IQCK: variants seen among roughly 807,000 people sequenced by gnomAD.
IQCK encodes IQ motif containing K.
A neutral mutation model predicts 28.1 loss-of-function variants in IQCK; 29 were observed. The observed-to-expected ratio is 1.03, with a 90% CI of 0.77 to 1.41. IQCK has a LOEUF of 1.41. Among genes scored for constraint, IQCK ranks in the 40% most tolerant of loss-of-function variants. The probability of loss-of-function intolerance (pLI) is 0.00; values close to 1 mark genes in which losing one functional copy is unlikely to be tolerated. For missense variants in IQCK, 359 were observed against 314.7 expected, an observed-to-expected ratio of 1.14 and a Z score of -1.07; for synonymous variants, 113 against 115.1, an observed-to-expected ratio of 0.98 and a Z score of 0.12.
At chr16:19,741,863 T>C (rs2054840001) in intron 4 of IQCK, among the ~76,000 whole-genome samples, 1 of 152,098 alleles carries the variant, frequency 6.6e-6, no homozygotes, top group African/African-American at 2.4e-5. Context: ...TGCAGGCACC[T>C]GTAATTTCAG....
Position 19,735,338 on chromosome 16 carries a change from G to GT in IQCK, c.377-12dup, listed in dbSNP as rs773792742. ...CTGGGGATTTGCAGGGGGAATTTTTGTTTGTTTGTTTTAGGTTCTCCCAAA... is the reference window on the plus strand; with the variant it reads ...CTGGGGATTTGCAGGGGGAATTTTTGTTTTGTTTGTTTTAGGTTCTCCCAAA... On this transcript the variant is annotated splice_polypyrimidine_tract_variant and intron_variant, in intron 3 of 7. Coordinates refer to ENST00000564186, the Ensembl canonical transcript of IQCK. The GT allele has an allele frequency of 3.8e-5, 60 of 1,594,822 alleles. No individual in the cohort carries two copies. Among genetic ancestry groups the GT allele is most frequent in the Non-Finnish European group, 4.6e-5 (54 of 1,162,996 alleles).
intron 1 of IQCK, among the ~76,000 whole-genome samples, chr16:19,728,451 T>A (rs902275815): frequency 6.6e-6 from 1 of 152,136 alleles, no homozygotes; most frequent in African/African-American, 2.4e-5. Flanking sequence ...GGTTTCACCA[T>A]GTTAACCACT....
At chr16:19,834,040 A>T (rs1343160339) in intron 9 of IQCK, among the ~76,000 whole-genome samples, 1 of 152,202 alleles carries the variant, frequency 6.6e-6, no homozygotes, top group Non-Finnish European at 1.5e-5. Context: ...CTGAGCGGTG[A>T]CTGCACCACT....
chr16:19,736,020 C>A, intron 4 of IQCK: 1 of 434,588 alleles, frequency 2.3e-6, no homozygotes, highest in South Asian at 1.7e-5. Flanking sequence ...GATCCATGAT[C>A]ACGTCACTGC....
intron 4 of IQCK, among the ~76,000 whole-genome samples, chr16:19,749,780 AAAAG>A (rs1486677746): frequency 6.6e-6 from 1 of 152,042 alleles, no homozygotes; most frequent in East Asian, 1.9e-4. Context: ...GGAAAAAAAA[AAAAG>A]AAAAAGAAAA....
chr16:19,733,795 A>T, exon 3 of IQCK: 1 of 1,614,164 alleles, frequency 6.2e-7, no homozygotes, highest in Non-Finnish European at 8.5e-7. Context: ...CCCTGTCCTC[A>T]AGATAAATCG....
At chr16:19,764,941 C>G (rs1242650364) in intron 6 of IQCK, among the ~76,000 whole-genome samples, 1 of 140,970 alleles carries the variant, frequency 7.1e-6, no homozygotes, top group African/African-American at 2.6e-5. Flanking sequence ...CCTCGTGATC[C>G]GCCCACCTCA....
chr16:19,756,160 G>A (rs1231188274), intron 4 of IQCK, among the ~76,000 whole-genome samples: 1 of 152,110 alleles, frequency 6.6e-6, no homozygotes, highest in Admixed American at 6.6e-5. Flanking sequence ...CTCCAGCCTG[G>A]GTGATAGTGT....
chr16:19,733,917 A>G, intron 3 of IQCK, 90 bp downstream of exon 3: 1 of 1,248,960 alleles, frequency 8.0e-7, no homozygotes, highest in Non-Finnish European at 1.1e-6. Context: ...GATGGACCTC[A>G]GGGAGACCAC....
intron 4 of IQCK, among the ~76,000 whole-genome samples, chr16:19,758,296 G>A (rs1374555653): frequency 3.3e-5 from 5 of 152,114 alleles, no homozygotes; most frequent in African/African-American, 9.7e-5. Flanking sequence ...TATCCCCACT[G>A]TTCCACATGT....
chr16:19,778,456 A>G (rs1438355046), intron 6 of IQCK, among the ~76,000 whole-genome samples: 1 of 152,010 alleles, frequency 6.6e-6, no homozygotes, highest in East Asian at 1.9e-4. Context: ...AGGAGTTTGC[A>G]ACCAGCTTGG....
chr16:19,744,211 C>A (rs1196522600), intron 4 of IQCK, among the ~76,000 whole-genome samples: 2 of 152,168 alleles, frequency 1.3e-5, no homozygotes, highest in South Asian at 2.1e-4. Flanking sequence ...AATATAGTTT[C>A]TAAACAAACA....
chr16:19,767,976 C>G (rs1269503185), intron 6 of IQCK, among the ~76,000 whole-genome samples: 1 of 149,754 alleles, frequency 6.7e-6, no homozygotes, highest in Non-Finnish European at 1.5e-5. Flanking sequence ...ATGACTAAAT[C>G]ATAATCTTCA....
chr16:19,771,462 T>C (rs2055320399), intron 6 of IQCK, among the ~76,000 whole-genome samples: 1 of 152,198 alleles, frequency 6.6e-6, no homozygotes, highest in African/African-American at 2.4e-5. Context: ...TAATGGAGAA[T>C]GTGGAGAAAT....
At chr16:19,801,273 C>A (rs1459927494) in intron 7 of IQCK, among the ~76,000 whole-genome samples, 1 of 112,780 alleles carries the variant, frequency 8.9e-6, no homozygotes, top group Non-Finnish European at 1.6e-5. Flanking sequence ...TATTACAAGT[C>A]TTCACAGTCT....
chr16:19,785,959 C>T (rs1444225249), intron 6 of IQCK, among the ~76,000 whole-genome samples: 2 of 152,182 alleles, frequency 1.3e-5, no homozygotes, highest in Non-Finnish European at 2.9e-5. Context: ...ACCTGGACAA[C>T]TTGCAGTCAC....
intron 7 of IQCK, among the ~76,000 whole-genome samples, chr16:19,810,530 T>A (rs1597579366): frequency 1.4e-5 from 2 of 141,012 alleles, no homozygotes; most frequent in South Asian, 4.6e-4. Flanking sequence ...ATAGAGATGG[T>A]AGCCAGGTAT....
At chr16:19,733,055 T>G (rs1977891310) in intron 2 of IQCK, among the ~76,000 whole-genome samples, 1 of 152,224 alleles carries the variant, frequency 6.6e-6, no homozygotes, top group African/African-American at 2.4e-5. Flanking sequence ...TGAGTCCCTT[T>G]GGGATCTGAT....
chr16:19,804,437 T>TG (rs1228315701), intron 7 of IQCK, among the ~76,000 whole-genome samples: 1 of 151,944 alleles, frequency 6.6e-6, no homozygotes, highest in African/African-American at 2.4e-5. Context: ...GGTGGTTTTT[T>TG]TTGTTGTTGT....
Sources: gnomAD v4.1 joint callset for allele counts (sites outside exome capture counted in the v4.1 genomes callset) on GRCh38, gnomAD v4.1.1 for gene constraint, MANE v1.5 for transcripts, NCBI Gene and HGNC (gene_info 2026-07-23, HGNC 2026-07-21) for gene names.